The following ITPK1 variants were observed in gnomAD, a reference collection of about 807,000 sequenced individuals.
ITPK1 encodes the protein inositol-tetrakisphosphate 1-kinase, also known as inositol 1,3,4-trisphosphate 5/6-kinase.
A neutral mutation model predicts 45.3 loss-of-function variants in ITPK1; 21 were observed. The observed-to-expected ratio is 0.46, with a 90% CI of 0.33 to 0.67. The LOEUF is 0.67. Among genes scored for constraint, ITPK1 ranks in the 30% least tolerant of loss-of-function variants. The pLI is 0.02. For missense variants in ITPK1, 474 were observed against 573.5 expected (o/e 0.83, Z 1.77); for synonymous variants, 258 against 253.6 (o/e 1.02, Z -0.16).
intron 9 of ITPK1, among the ~76,000 whole-genome samples, chr14:92,947,047 G>A (rs371716855): frequency 2.6e-5 from 4 of 152,210 alleles, no homozygotes; most frequent in African/African-American, 7.2e-5. Flanking sequence ...TGCGGGACAT[G>A]GCTAGGAGCA....
chr14:93,103,430 T>C (rs377704706), intron 2 of ITPK1, among the ~76,000 whole-genome samples: 1 of 151,294 alleles, frequency 6.6e-6, no homozygotes, highest in Non-Finnish European at 1.5e-5. Flanking sequence ...AAAAAAAAAA[T>C]AAGAAGAAGA....
intron 4 of ITPK1, among the ~76,000 whole-genome samples, chr14:93,011,108 C>G (rs1358589556): frequency 6.6e-6 from 1 of 152,198 alleles, no homozygotes; most frequent in Non-Finnish European, 1.5e-5. Flanking sequence ...ATTGGGTTCC[C>G]TTGCCTGTAG....
At chr14:93,039,235 A>G (rs905212142) in intron 3 of ITPK1, among the ~76,000 whole-genome samples, 1 of 151,292 alleles carries the variant, frequency 6.6e-6, no homozygotes, top group Non-Finnish European at 1.5e-5. Context: ...TCCCTCTCCT[A>G]TTTGCTCCAT....
chr14:93,068,852 G>A (rs3814827), intron 3 of ITPK1: 34,225 of 152,178 alleles, frequency 0.22, 5,350 homozygotes, highest in African/African-American at 0.45. Context: ...ACGCAACCAC[G>A]TGAGTCCCCT....
chr14:93,005,682 A>T (rs780006618), intron 4 of ITPK1, among the ~76,000 whole-genome samples: 64 of 152,240 alleles, frequency 4.2e-4, no homozygotes, highest in African/African-American at 1.3e-3. Context: ...ACCGGACAAC[A>T]GCCAAAATGC....
intron 3 of ITPK1, among the ~76,000 whole-genome samples, chr14:93,027,440 T>C (rs1471773291): frequency 6.6e-6 from 1 of 152,164 alleles, no homozygotes; most frequent in Non-Finnish European, 1.5e-5. Flanking sequence ...ATCATCTCAA[T>C]GACCCCATGA....
intron 2 of ITPK1, among the ~76,000 whole-genome samples, chr14:93,085,965 C>T (rs570444466): frequency 6.6e-6 from 1 of 152,102 alleles, no homozygotes; most frequent in Admixed American, 6.5e-5. Flanking sequence ...TCTAGCACCT[C>T]CTCCCCTCCC....
intron 5 of ITPK1, among the ~76,000 whole-genome samples, chr14:92,966,941 AT>A (rs1171626613): frequency 6.6e-6 from 1 of 152,242 alleles, no homozygotes; most frequent in African/African-American, 2.4e-5. Context: ...TACAAAATTA[AT>A]TCAAAACTGA....
chr14:93,027,619 A>T (rs2139881456), intron 3 of ITPK1, among the ~76,000 whole-genome samples: 1 of 152,330 alleles, frequency 6.6e-6, no homozygotes, highest in Non-Finnish European at 1.5e-5. Context: ...CACGTCTACA[A>T]CATGTGCACG....
chr14:92,958,051 G>T lies in ITPK1; in HGVS notation c.670+150C>A. The stretch of plus-strand genomic sequence containing the variant: ...GTTCCCCAAGACCTCTTTATCCACC[G>T]TACACAACTGTTTCCACCTTTAGAG... On this transcript the variant is annotated intron_variant, in intron 8 of 10. Transcript: ENST00000267615. This position sits in a 1 kb window ranked among gnomAD's most constrained non-coding sequence, Gnocchi z 4.4. 1.3e-6 allele frequency: 1 copy of T among 745,998 alleles called. No homozygotes were observed. Among genetic ancestry groups the T allele is most frequent in the Non-Finnish European group, 2.2e-6 (1 of 446,460 alleles). 46.2% of individuals were successfully genotyped at this position (745,998 alleles called of 1,614,324 possible).
chr14:93,060,071 G>A (rs1484897031), intron 3 of ITPK1, among the ~76,000 whole-genome samples: 2 of 152,006 alleles, frequency 1.3e-5, no homozygotes, highest in Admixed American at 1.3e-4. Context: ...AGGAGGAGGG[G>A]GGTGGGGTAT....
At position 92,972,994 on chromosome 14, in the gene ITPK1, A is replaced by G. The variant is rs907236098; in HGVS notation, c.365-10145T>C. Among the ~76,000 whole-genome samples, 4 of 152,102 alleles carry G rather than the reference A, an allele frequency of 2.6e-5. No homozygotes were observed. In the East Asian group the frequency reaches 7.7e-4, roughly 29 times the overall value. On this transcript the variant is annotated intron_variant, in intron 5 of 10. Coordinates refer to ENST00000267615, the MANE Select transcript of ITPK1 (RefSeq NM_014216.6). Reference sequence around the variant, plus strand: ...TGGGATGGTCCCCGTTCCATGCCTCACTTGGCAACACCTGCTCTTCCAAGC... The same window carrying G: ...TGGGATGGTCCCCGTTCCATGCCTCGCTTGGCAACACCTGCTCTTCCAAGC...
chr14:93,040,365 C>T (rs900085646), intron 3 of ITPK1, among the ~76,000 whole-genome samples: 2 of 152,126 alleles, frequency 1.3e-5, no homozygotes, highest in Non-Finnish European at 2.9e-5. Context: ...AAGGACAGAG[C>T]AGGGGTAGGG....
intron 2 of ITPK1, among the ~76,000 whole-genome samples, chr14:93,084,706 G>A (rs1030842885): frequency 6.6e-6 from 1 of 152,218 alleles, no homozygotes; most frequent in Non-Finnish European, 1.5e-5. Context: ...ATTTGGAGGT[G>A]CAGCTCAGAA....
At chr14:92,942,033 C>T in intron 10 of ITPK1, 129 bp from the exon 11 acceptor site, 2 of 810,872 alleles carry the variant, frequency 2.5e-6, no homozygotes, top group Non-Finnish European at 3.9e-6. Flanking sequence ...GTCCCATTTA[C>T]AGAGAAAACG....
intron 3 of ITPK1, among the ~76,000 whole-genome samples, chr14:93,022,066 A>G (rs1392995763): frequency 4.6e-5 from 7 of 152,338 alleles, no homozygotes; most frequent in African/African-American, 1.4e-4. Context: ...TTACGAGCTG[A>G]CATTAGACCC....
chr14:92,944,300 G>A lies in ITPK1; in HGVS notation c.901+2031C>T, dbSNP rs559878098. On this transcript the variant is annotated intron_variant, in intron 10 of 10. Transcript: ENST00000267615. The stretch of plus-strand genomic sequence containing the variant: ...AGGCGGACACACTGAGCTATCTCCC[G>A]GGGAACCAGCTCTGCCCTGCCAGAG... Among the ~76,000 whole-genome samples the A allele has an allele frequency of 5.3e-5, 8 of 152,118 alleles. No homozygotes were observed. The East Asian group carries it at 5.8e-4, about 11-fold the overall frequency.
At chr14:92,986,902 G>A (rs1167692230) in intron 5 of ITPK1, among the ~76,000 whole-genome samples, 1 of 152,222 alleles carries the variant, frequency 6.6e-6, no homozygotes, top group Non-Finnish European at 1.5e-5. Flanking sequence ...GAGGGACAGA[G>A]GGCAGCAAAT....
In ITPK1 at chr14:93,101,938, C is replaced by T. The variant is rs955026186; in HGVS notation, c.95+13131G>A. ...ACAGCTTCAAAGAGCCACATGTTAG[C>T]GCTCAGCACCATGTCAGGCATGAAG... On this transcript the variant is annotated intron_variant, in intron 2 of 10. Coordinates refer to ENST00000267615, the MANE Select transcript of ITPK1 (RefSeq NM_014216.6). 1.5e-4 allele frequency among the ~76,000 whole-genome samples: 23 copies of T among 152,210 alleles called. 1 individual carries two copies. The highest frequency in any genetic ancestry group is 8.8e-5 in the Non-Finnish European group (6 of 68,032).
Sources: gnomAD v4.1 joint callset for allele counts (sites outside exome capture counted in the v4.1 genomes callset) on GRCh38, gnomAD v4.1.1 for gene constraint, Gnocchi (gnomAD v3.1) non-coding constraint, MANE v1.5 for transcripts, NCBI Gene and HGNC (gene_info 2026-07-23, HGNC 2026-07-21) for gene names.